Variants in NPHP4 observed in about 807,000 individuals in gnomAD.
The protein encoded by NPHP4 is nephrocystin 4.
NPHP4 carries 151 observed loss-of-function variants against 155.8 expected under a neutral mutation model. That is an observed-to-expected ratio of 0.97 (90% confidence interval 0.85 to 1.11). The LOEUF (loss-of-function observed/expected upper bound fraction) is 1.11. Among genes scored for constraint, NPHP4 ranks in the 50% least tolerant of loss-of-function variants. The pLI, the probability that NPHP4 is intolerant of heterozygous loss-of-function variation, is 0.00. For missense variants in NPHP4, 1,956 were observed against 1,925.7 expected, an observed-to-expected ratio of 1.02 and a Z score of -0.29; for synonymous variants, 845 against 816.8, an observed-to-expected ratio of 1.03 and a Z score of -0.59.
chr1:5,914,542 A>G (rs1645363610), intron 11 of NPHP4, among the ~76,000 whole-genome samples: 1 of 152,242 alleles, frequency 6.6e-6, no homozygotes, highest in Admixed American at 6.5e-5. Flanking sequence ...GCCTCAAGCC[A>G]CATAACTTTT....
At chr1:5,925,224 C>T (rs941904605) in intron 11 of NPHP4, among the ~76,000 whole-genome samples, 2 of 152,168 alleles carry the variant, frequency 1.3e-5, no homozygotes, top group Non-Finnish European at 2.9e-5. Context: ...GCACTGAACA[C>T]GTACAGACTC....
chr1:5,897,405 G>A lies in NPHP4; in HGVS notation c.2144-6377C>T, dbSNP rs527683507. Among the ~76,000 whole-genome samples the A allele has an allele frequency of 3.9e-5, 6 of 152,150 alleles. No homozygotes were observed. In the East Asian group the frequency reaches 9.6e-4, roughly 24 times the overall value. ...TTAACCAAGCAACCGAATCAGCGTCGTAACAATGAGATAGTCTGACATTCG... is the reference window on the plus strand; with the variant it reads ...TTAACCAAGCAACCGAATCAGCGTCATAACAATGAGATAGTCTGACATTCG... On this transcript the variant is annotated intron_variant, in intron 16 of 29. Coordinates refer to ENST00000378156, the MANE Select transcript of NPHP4 (RefSeq NM_015102.5).
chr1:5,948,128 C>T lies in NPHP4; in HGVS notation c.934G>A (p.Val312Met). Residue 312 changes from valine (V) to methionine (M), a missense_variant, in exon 8 of 30, where the codon GTG becomes ATG. Coordinates refer to ENST00000378156, the MANE Select transcript of NPHP4 (RefSeq NM_015102.5). ...QVVVLVPEMD[V>M]ALTRSASFSR... ...AAGCTAGCTGAGCGCGTCAAGGCCA[C>T]ATCCATCTCAGGCACCAGTACAACG... The T allele has an allele frequency of 6.2e-7, 1 of 1,613,836 alleles. No homozygotes were observed. Among genetic ancestry groups the T allele is most frequent in the Non-Finnish European group, 8.5e-7 (1 of 1,179,860 alleles).
intron 3 of NPHP4, among the ~76,000 whole-genome samples, chr1:5,970,504 TAAAAAG>T (rs1210974672): frequency 6.6e-6 from 1 of 151,790 alleles, no homozygotes; most frequent in African/African-American, 2.4e-5. Flanking sequence ...CTTTGTCTAA[TAAAAAG>T]AAAGAAAGAA....
Position 5,865,109 on chromosome 1 carries a change from T to C in NPHP4, c.3809A>G (p.Glu1270Gly). The change falls in exon 27 of 30, where the codon GAG becomes GGG. Residue 1270 changes from glutamate (E) to glycine (G), a missense_variant. By Grantham distance (98) the Glu-to-Gly change is moderately conservative. Coordinates refer to ENST00000378156, the MANE Select transcript of NPHP4 (RefSeq NM_015102.5). ...KVRAFTSHPQ[E>G]LKTDPKGVFV... The stretch of plus-strand genomic sequence containing the variant: ...CCCCCAGAGAGGCCGTACCTTCAGC[T>C]CCTGGGGATGAGAGGTGAAAGCTCT... 6.2e-7 allele frequency: 1 copy of C among 1,613,570 alleles called. No individual in the cohort carries two copies.
chr1:5,864,730 C>A, intron 27 of NPHP4: 1 of 546,478 alleles, frequency 1.8e-6, no homozygotes, highest in South Asian at 2.9e-5. Flanking sequence ...GGCGACTATT[C>A]CCTAAGCGCT....
intron 1 of NPHP4, among the ~76,000 whole-genome samples, chr1:5,991,070 G>A (rs997331845): frequency 1.9e-4 from 29 of 152,246 alleles, no homozygotes; most frequent in African/African-American, 7.0e-4. Flanking sequence ...GAAGATGCAG[G>A]GGGTGGGAGG....
chr1:5,934,200 G>A (rs1204248955), intron 9 of NPHP4, among the ~76,000 whole-genome samples: 4 of 152,166 alleles, frequency 2.6e-5, no homozygotes, highest in Non-Finnish European at 5.9e-5. Flanking sequence ...TGCAGATCCT[G>A]CAGGCTCCCC....
chr1:5,946,444 C>A (rs141986456), intron 9 of NPHP4, among the ~76,000 whole-genome samples: 98 of 152,234 alleles, frequency 6.4e-4, no homozygotes, highest in African/African-American at 2.3e-3. Context: ...ATTAAAATGG[C>A]CTCATTTTTC....
At chr1:5,982,723 T>C (rs1654906790) in intron 2 of NPHP4, among the ~76,000 whole-genome samples, 2 of 152,244 alleles carry the variant, frequency 1.3e-5, no homozygotes, top group South Asian at 4.1e-4. Context: ...ATTAGTTATA[T>C]CCTATAAATC....
intron 6 of NPHP4, among the ~76,000 whole-genome samples, chr1:5,953,316 G>C (rs1327426914): frequency 6.6e-6 from 1 of 152,128 alleles, no homozygotes; most frequent in African/African-American, 2.4e-5. Flanking sequence ...ATATTGGCCG[G>C]GCTGGTCTCG....
chr1:5,885,896 G>A (rs1051334218), intron 18 of NPHP4, among the ~76,000 whole-genome samples: 1 of 152,228 alleles, frequency 6.6e-6, no homozygotes, highest in African/African-American at 2.4e-5. Context: ...TGCTGCGGGT[G>A]GATTCGACCT....
chr1:5,867,122 C>T lies in NPHP4; in HGVS notation c.3473-7G>A, dbSNP rs777325656. ...AGCATTCCCACCGGAGCACCTGGAG[C>T]AGGGGAAATGTCAAAAAGAGTCTTC... is the stretch of plus-strand genomic sequence containing the variant. On this transcript the variant is annotated splice_polypyrimidine_tract_variant and splice_region_variant and intron_variant, in intron 24 of 29. Transcript: ENST00000378156. This position sits in a 1 kb window ranked among gnomAD's most constrained non-coding sequence, Gnocchi z 4.1. 1.2e-6 allele frequency: 2 copies of T among 1,607,298 alleles called. No homozygotes were observed. Among genetic ancestry groups the T allele is most frequent in the Non-Finnish European group, 1.7e-6 (2 of 1,176,366 alleles).
chr1:5,933,668 T>C (rs1382494554), intron 9 of NPHP4, among the ~76,000 whole-genome samples: 1 of 152,180 alleles, frequency 6.6e-6, no homozygotes, highest in Non-Finnish European at 1.5e-5. Context: ...TAAGGATCTT[T>C]CCATAGGTTT....
Position 5,948,068 on chromosome 1 carries a change from A to G in NPHP4, c.992+2T>C, listed in dbSNP as rs746243637. 5 of 1,612,342 alleles carry G rather than the reference A, an allele frequency of 3.1e-6. No individual in the cohort carries two copies. The Admixed American group carries it at 8.3e-5, about 27-fold the overall frequency. ...CATCCCTGGGGACCCAAGAGACAAT[A>G]CCTGGTCTTGGAAGAGGAGACCACT... On this transcript the variant is annotated splice_donor_variant, in intron 8 of 29. Transcript: ENST00000378156. LOFTEE classifies it high-confidence loss of function.
Position 5,866,330 on chromosome 1 carries a change from T to G in NPHP4, c.3644+43A>C. On this transcript the variant is annotated intron_variant, in intron 26 of 29. Coordinates refer to ENST00000378156, the MANE Select transcript of NPHP4 (RefSeq NM_015102.5). ...GCAGCCCCAGGCCTGCCTCCTCCTC[T>G]CCTCCGCCACCGCCTCCAGGTCCCC... 2.3e-6 allele frequency: 3 copies of G among 1,317,826 alleles called. No individual in the cohort carries two copies. In the Admixed American group the frequency reaches 5.6e-5, roughly 25 times the overall value. The allele number at this position is 1,317,826 out of a possible 1,614,324, so 81.6% of individuals were successfully genotyped here.
At chr1:5,991,931 G>T (rs1192041699) in intron 1 of NPHP4, among the ~76,000 whole-genome samples, 3 of 147,260 alleles carry the variant, frequency 2.0e-5, no homozygotes, top group Non-Finnish European at 4.5e-5. Flanking sequence ...CCAGGGGGCA[G>T]GGGGCAGGGG....
In NPHP4 at chr1:5,889,359, C is replaced by T. The variant is rs997196349; in HGVS notation, c.2304+1509G>A. Among the ~76,000 whole-genome samples, 13 of 152,222 alleles carry T rather than the reference C, an allele frequency of 8.5e-5. No individual in the cohort carries two copies. Among genetic ancestry groups the T allele is most frequent in the African/African-American group, 1.2e-4 (5 of 41,460 alleles). ...TCTCTCTGATCATCTCAGTTTTTCACGTTTTCTACCTAAGTTTTAAAGTTA... is the reference window on the plus strand; with the variant it reads ...TCTCTCTGATCATCTCAGTTTTTCATGTTTTCTACCTAAGTTTTAAAGTTA... On this transcript the variant is annotated intron_variant, in intron 17 of 29. Transcript: ENST00000378156. The surrounding 1 kb of genome is among the most constrained non-coding windows in gnomAD (Gnocchi z 4.2).
At chr1:5,950,078 T>A (rs993611833) in intron 7 of NPHP4, among the ~76,000 whole-genome samples, 2 of 151,916 alleles carry the variant, frequency 1.3e-5, no homozygotes, top group Non-Finnish European at 2.9e-5. Flanking sequence ...AAGAGAGGAG[T>A]TTAAGAGAGG....
Sources: gnomAD v4.1 joint callset for allele counts (sites outside exome capture counted in the v4.1 genomes callset) on GRCh38, gnomAD v4.1.1 for gene constraint, Gnocchi (gnomAD v3.1) non-coding constraint, MANE v1.5 for transcripts, NCBI Gene and HGNC (gene_info 2026-07-23, HGNC 2026-07-21) for gene names.